The following PIK3C3 variants were observed in gnomAD, a reference collection of about 807,000 sequenced individuals.
PIK3C3 encodes phosphatidylinositol 3-kinase catalytic subunit type 3, also known as PI3-kinase type 3.
In PIK3C3, 95 loss-of-function variants were observed where a neutral mutation model predicts 126.1. The ratio of observed to expected loss-of-function variants is 0.75; its 90% confidence interval spans 0.64 to 0.89. The LOEUF (loss-of-function observed/expected upper bound fraction) is 0.89. Ranked by LOEUF, PIK3C3 falls within the 40% of genes least tolerant of loss-of-function variation. PIK3C3 has a pLI of 0.00. For missense variants in PIK3C3, 829 were observed against 1,063.2 expected, an observed-to-expected ratio of 0.78 and a Z score of 3.06; for synonymous variants, 374 against 360.0, an observed-to-expected ratio of 1.04 and a Z score of -0.44.
intron 5 of PIK3C3, 37 bp from the exon 6 acceptor site, chr18:41,990,422 A>G (rs1981717258): frequency 8.4e-7 from 1 of 1,195,786 alleles, no homozygotes; most frequent in South Asian, 1.2e-5. Flanking sequence ...GAATGTTGAA[A>G]ATAATCATTT....
At chr18:42,040,544 G>A (rs1452308792) in intron 18 of PIK3C3, 133 bp from the exon 19 acceptor site, 2 of 627,176 alleles carry the variant, frequency 3.2e-6, no homozygotes, top group Middle Eastern at 2.8e-4. Context: ...TTAATGTAGT[G>A]TACACTGATC....
intron 2 of PIK3C3, among the ~76,000 whole-genome samples, chr18:41,960,104 G>A (rs908911436): frequency 2.0e-5 from 3 of 152,110 alleles, no homozygotes; most frequent in Non-Finnish European, 2.9e-5. Flanking sequence ...AAATCTGTTT[G>A]ATTTCTGACT....
At chr18:41,956,412 A>G (rs1050619171) in intron 1 of PIK3C3, among the ~76,000 whole-genome samples, 2 of 152,164 alleles carry the variant, frequency 1.3e-5, no homozygotes, top group African/African-American at 2.4e-5. Context: ...AGCATACACC[A>G]CTAGTAGTTT....
intron 3 of PIK3C3, among the ~76,000 whole-genome samples, chr18:41,965,610 G>C (rs936213974): frequency 6.6e-6 from 1 of 152,172 alleles, no homozygotes; most frequent in African/African-American, 2.4e-5. Context: ...AGCATCCTGA[G>C]TGAGTCTGTG....
intron 2 of PIK3C3, among the ~76,000 whole-genome samples, chr18:41,959,037 T>C (rs1979942009): frequency 6.6e-6 from 1 of 152,188 alleles, no homozygotes; most frequent in Admixed American, 6.5e-5. Context: ...TCAGAGATTC[T>C]TAAACTGGAA....
chr18:41,968,405 C>G (rs1980481276), intron 3 of PIK3C3, among the ~76,000 whole-genome samples: 1 of 152,096 alleles, frequency 6.6e-6, no homozygotes, highest in African/African-American at 2.4e-5. Context: ...TTATAAGAGA[C>G]ATGTATATAT....
intron 13 of PIK3C3, 103 bp from the exon 14 acceptor site, chr18:42,027,340 T>C: frequency 1.9e-6 from 1 of 514,256 alleles, no homozygotes; most frequent in Non-Finnish European, 3.4e-6. Flanking sequence ...TTTATTATTT[T>C]TGCATATGTA....
intron 18 of PIK3C3, 82 bp from the exon 19 acceptor site, chr18:42,040,595 T>G (rs1230490413): frequency 1.1e-6 from 1 of 909,110 alleles, no homozygotes; most frequent in Non-Finnish European, 1.8e-6. Flanking sequence ...TATTCAGAGA[T>G]GAGGATTATT....
At chr18:41,993,683 A>AT (rs1981892156) in intron 7 of PIK3C3, among the ~76,000 whole-genome samples, 1 of 152,038 alleles carries the variant, frequency 6.6e-6, no homozygotes, top group Admixed American at 6.6e-5. Context: ...GATTGCCATC[A>AT]TACAGAAGGA....
chr18:42,071,329 A>G (rs950578099), intron 24 of PIK3C3, among the ~76,000 whole-genome samples: 4 of 152,180 alleles, frequency 2.6e-5, no homozygotes, highest in African/African-American at 7.2e-5. Flanking sequence ...ATTTCATACA[A>G]TGCTTCCCAT....
chr18:42,027,498 C>T lies in PIK3C3; in HGVS notation c.1540C>T (p.His514Tyr). The change falls in exon 14 of 25, where the codon CAT (histidine) becomes TAT (tyrosine). Residue 514 changes from histidine to tyrosine, a missense_variant. Physicochemically the swap from His to Tyr is moderately conservative, Grantham distance 83. Coordinates refer to ENST00000262039, the MANE Select transcript of PIK3C3 (RefSeq NM_002647.4). ...TACTCAGCAGAGAGATCCAAAGACC[C>T]ATGAGATGTACTTGAACGTAATGAG... ...QDTQQRDPKT[H>Y]EMYLNVMRRF... is the part of the protein sequence containing the mutation. 1 of 1,612,052 alleles carries T rather than the reference C, an allele frequency of 6.2e-7. No homozygotes were observed. The highest frequency in any genetic ancestry group is 8.5e-7 in the Non-Finnish European group (1 of 1,178,480).
Position 42,021,877 on chromosome 18 carries a change from A to C in PIK3C3, c.1484+1172A>C, listed in dbSNP as rs549070864. 7.9e-5 allele frequency among the ~76,000 whole-genome samples: 12 copies of C among 152,354 alleles called. No homozygotes were observed. The East Asian group carries it at 2.3e-3, about 29-fold the overall frequency. Reference sequence around the variant, plus strand: ...ATGCAAATATTCAAAAATCAAAAAAAACTAGAAATCCAAAACATTTCTGGT... The same window carrying C: ...ATGCAAATATTCAAAAATCAAAAAACACTAGAAATCCAAAACATTTCTGGT... On this transcript the variant is annotated intron_variant, in intron 13 of 24. Transcript: ENST00000262039.
At position 42,085,956 on chromosome 18, in the gene PIK3C3, T is replaced by TGCGC. The variant is rs1371753702; in HGVS notation, c.*4820_*4821insCGCG. Reference sequence around the variant, plus strand: ...ATATTTGTGTGTGTGTGTGTGTGTATGTGCGTGCACAAAAATTAGCTGAGT... The same window carrying TGCGC: ...ATATTTGTGTGTGTGTGTGTGTGTATGCGCGTGCGTGCACAAAAATTAGCTGAGT... On this transcript the variant is annotated 3_prime_UTR_variant, in exon 25 of 25. Coordinates refer to ENST00000262039, the MANE Select transcript of PIK3C3 (RefSeq NM_002647.4). 7.0e-5 allele frequency: 3 copies of TGCGC among 43,148 alleles called. No homozygotes were observed. In the African/African-American group the frequency reaches 7.5e-4, roughly 11 times the overall value. 2.7% of individuals were successfully genotyped at this position (43,148 alleles called of 1,614,324 possible).
chr18:42,056,711 G>T (rs1474103287), intron 21 of PIK3C3, among the ~76,000 whole-genome samples: 1 of 152,090 alleles, frequency 6.6e-6, no homozygotes, highest in Non-Finnish European at 1.5e-5. Flanking sequence ...TAGTTGAACA[G>T]AGAACACATA....
chr18:41,996,072 T>A, intron 8 of PIK3C3, 78 bp downstream of exon 8: 2 of 893,252 alleles, frequency 2.2e-6, no homozygotes, highest in Non-Finnish European at 3.6e-6. Flanking sequence ...TCACCTCACT[T>A]AAAAATTATT....
At chr18:41,996,991 T>G (rs1452112987) in intron 9 of PIK3C3, among the ~76,000 whole-genome samples, 1 of 152,146 alleles carries the variant, frequency 6.6e-6, no homozygotes, top group East Asian at 1.9e-4. Flanking sequence ...AAGTACATTT[T>G]ACGTTTGTTT....
chr18:41,968,458 A>G (rs952776707), intron 3 of PIK3C3, among the ~76,000 whole-genome samples: 2 of 152,170 alleles, frequency 1.3e-5, no homozygotes, highest in African/African-American at 4.8e-5. Context: ...TTAACATGAT[A>G]AATAAATATT....
chr18:42,020,359 A>C (rs1227790146), intron 12 of PIK3C3, among the ~76,000 whole-genome samples: 2 of 152,014 alleles, frequency 1.3e-5, no homozygotes, highest in Non-Finnish European at 2.9e-5. Context: ...TCCCAACCTA[A>C]ATTATTTCTA....
At chr18:42,059,809 C>T (rs1213203200) in intron 22 of PIK3C3, 1 of 151,032 alleles carries the variant, frequency 6.6e-6, no homozygotes, top group Non-Finnish European at 1.5e-5. Flanking sequence ...TCACTGTCGC[C>T]CAGGTTGGAG....
Sources: gnomAD v4.1 joint callset for allele counts (sites outside exome capture counted in the v4.1 genomes callset) on GRCh38, gnomAD v4.1.1 for gene constraint, MANE v1.5 for transcripts, NCBI Gene and HGNC (gene_info 2026-07-23, HGNC 2026-07-21) for gene names.